Variants in RNF216 observed in about 807,000 individuals in gnomAD.
The protein encoded by RNF216 is ring finger protein 216.
In RNF216, 72 loss-of-function variants were observed where a neutral mutation model predicts 110.8. The observed-to-expected ratio is 0.65, with a 90% CI of 0.54 to 0.79. RNF216 has a LOEUF of 0.79. Ranked by LOEUF, RNF216 falls within the 30% of genes least tolerant of loss-of-function variation. RNF216 has a pLI of 0.00. For synonymous variants in RNF216, 495 were observed against 407.5 expected (o/e 1.21, Z -2.59); for missense variants, 1,342 against 1,141.2 (o/e 1.18, Z -2.54).
At chr7:5,731,307 A>G (rs1794075407) in intron 5 of RNF216, among the ~76,000 whole-genome samples, 1 of 152,234 alleles carries the variant, frequency 6.6e-6, no homozygotes, top group African/African-American at 2.4e-5. Flanking sequence ...CTGTGGTAAC[A>G]TAAATCTCTA....
At chr7:5,671,522 G>C (rs1267346055) in intron 13 of RNF216, among the ~76,000 whole-genome samples, 1 of 152,074 alleles carries the variant, frequency 6.6e-6, no homozygotes, top group Non-Finnish European at 1.5e-5. Context: ...AGGACAGAGA[G>C]AGCCGGGCAC....
intron 13 of RNF216, among the ~76,000 whole-genome samples, chr7:5,699,743 G>C (rs939558163): frequency 2.0e-5 from 3 of 152,210 alleles, no homozygotes; most frequent in African/African-American, 7.2e-5. Flanking sequence ...AGGCTTTCTG[G>C]GGCTGGGTGG....
intron 3 of RNF216, among the ~76,000 whole-genome samples, chr7:5,747,057 T>C (rs1225800540): frequency 6.6e-6 from 1 of 152,186 alleles, no homozygotes; most frequent in Non-Finnish European, 1.5e-5. Context: ...ACTGCTCCCA[T>C]TTTACCTGAA....
At chr7:5,771,042 G>T (rs539257689) in intron 1 of RNF216, among the ~76,000 whole-genome samples, 1 of 152,264 alleles carries the variant, frequency 6.6e-6, no homozygotes, top group Non-Finnish European at 1.5e-5. Flanking sequence ...TCTTGACCTT[G>T]TGATTCGCCC....
At chr7:5,647,854 G>T (rs1235858505) in intron 14 of RNF216, among the ~76,000 whole-genome samples, 1 of 152,078 alleles carries the variant, frequency 6.6e-6, no homozygotes, top group Non-Finnish European at 1.5e-5. Flanking sequence ...ATGATAGAGT[G>T]GCTTAGACTA....
chr7:5,642,529 C>G (rs1787800610), intron 14 of RNF216, among the ~76,000 whole-genome samples: 1 of 148,380 alleles, frequency 6.7e-6, no homozygotes, highest in Non-Finnish European at 1.5e-5. Context: ...TTTTTTGAGA[C>G]TCACTGCAAC....
At chr7:5,679,559 A>G (rs1290772409) in intron 13 of RNF216, among the ~76,000 whole-genome samples, 1 of 152,200 alleles carries the variant, frequency 6.6e-6, no homozygotes, top group Non-Finnish European at 1.5e-5. Flanking sequence ...CCTGCCTCAC[A>G]TTTCTGGAAG....
chr7:5,620,470 G>A lies in RNF216; in HGVS notation c.*2390C>T, dbSNP rs1377955479. 1 of 152,268 alleles carries A rather than the reference G, an allele frequency of 6.6e-6. No individual in the cohort carries two copies. Among genetic ancestry groups the A allele is most frequent in the Non-Finnish European group, 1.5e-5 (1 of 68,092 alleles). The allele number at this position is 152,268 out of a possible 1,614,324, so 9.4% of individuals were successfully genotyped here. A position where few individuals can be genotyped will look rare whatever the true frequency, so the allele number is the denominator to read the frequency against. ...TCTCCCCAATGCTGTCACTGGTCCA[G>A]GCAGGAGCCCGAGGTTCAGGCCCTG... is the stretch of plus-strand genomic sequence containing the variant. On this transcript the variant is annotated 3_prime_UTR_variant, in exon 17 of 17. Coordinates refer to ENST00000389902, the MANE Select transcript of RNF216 (RefSeq NM_207111.4).
At chr7:5,748,069 G>C (rs1029197542) in intron 3 of RNF216, among the ~76,000 whole-genome samples, 2 of 152,112 alleles carry the variant, frequency 1.3e-5, no homozygotes, top group Non-Finnish European at 2.9e-5. Flanking sequence ...CATACCAATA[G>C]GCGGTATCAG....
At chr7:5,763,742 T>C (rs970257151) in intron 1 of RNF216, among the ~76,000 whole-genome samples, 1 of 152,098 alleles carries the variant, frequency 6.6e-6, no homozygotes, top group Non-Finnish European at 1.5e-5. Context: ...GCTGAATTTT[T>C]AAAATTTTTT....
intron 13 of RNF216, among the ~76,000 whole-genome samples, chr7:5,682,120 G>A (rs989994965): frequency 1.1e-4 from 17 of 152,172 alleles, no homozygotes; most frequent in East Asian, 3.9e-4. Flanking sequence ...GAGGCCATGC[G>A]GGCCCACGCT....
chr7:5,666,108 G>C (rs548375923), intron 13 of RNF216, among the ~76,000 whole-genome samples: 22 of 151,166 alleles, frequency 1.5e-4, no homozygotes, highest in Non-Finnish European at 2.9e-4. Flanking sequence ...AGAGCTTGCA[G>C]TGAGTGGAGA....
chr7:5,734,719 G>C (rs1047443436), intron 5 of RNF216, among the ~76,000 whole-genome samples: 4 of 151,554 alleles, frequency 2.6e-5, no homozygotes, highest in African/African-American at 9.8e-5. Flanking sequence ...AGCTATTCGG[G>C]AGACTGAGGC....
chr7:5,755,360 A>T (rs1010271713), intron 2 of RNF216, among the ~76,000 whole-genome samples: 1 of 151,578 alleles, frequency 6.6e-6, no homozygotes, highest in Non-Finnish European at 1.5e-5. Flanking sequence ...AAGTATACTT[A>T]AAAAAAAATT....
At chr7:5,645,363 A>T (rs887945356) in intron 14 of RNF216, among the ~76,000 whole-genome samples, 1 of 152,154 alleles carries the variant, frequency 6.6e-6, no homozygotes, top group Admixed American at 6.5e-5. Context: ...GCTTCCCCTT[A>T]ATGTGAATAT....
rs191890933 is a variant in RNF216 at position 5,656,729 on chromosome 7, G to A, written c.2062-4219C>T. ...TGAGGTCTTCACTTTGCAATATAAA[G>A]AAAGCACTTCCGTCTTCCTTTATTC... is the stretch of plus-strand genomic sequence containing the variant. On this transcript the variant is annotated intron_variant, in intron 13 of 16. Coordinates refer to ENST00000389902, the MANE Select transcript of RNF216 (RefSeq NM_207111.4). Among the ~76,000 whole-genome samples, 379 of 152,320 alleles carry A rather than the reference G, an allele frequency of 2.5e-3. 1 individual carries two copies. Among genetic ancestry groups the A allele is most frequent in the Middle Eastern group, 6.8e-3 (2 of 294 alleles).
chr7:5,681,899 C>T (rs185929167), intron 13 of RNF216, among the ~76,000 whole-genome samples: 1 of 152,176 alleles, frequency 6.6e-6, no homozygotes. Flanking sequence ...ATCTGTGTAG[C>T]CCCTAAGGGT....
chr7:5,740,970 T>C lies in RNF216; in HGVS notation c.1044+3A>G, dbSNP rs373481679. The C allele has an allele frequency of 2.7e-5, 43 of 1,585,376 alleles. No individual in the cohort carries two copies. The highest frequency in any genetic ancestry group is 3.7e-5 in the Non-Finnish European group (43 of 1,169,890). On this transcript the variant is annotated splice_donor_region_variant and intron_variant, in intron 4 of 16. Coordinates refer to ENST00000389902, the MANE Select transcript of RNF216 (RefSeq NM_207111.4). ...TACATTTACTTGATAAAATAAAACTTACCGTTTCTTTCACTAGTAGTTCAA... is the reference window on the plus strand; with the variant it reads ...TACATTTACTTGATAAAATAAAACTCACCGTTTCTTTCACTAGTAGTTCAA...
chr7:5,716,625 C>A, intron 10 of RNF216, 91 bp downstream of exon 10: 1 of 1,090,626 alleles, frequency 9.2e-7, no homozygotes, highest in Admixed American at 2.2e-5. Context: ...TATCCAAAAA[C>A]AAATTTGCCA....
Sources: gnomAD v4.1 joint callset for allele counts (sites outside exome capture counted in the v4.1 genomes callset) on GRCh38, gnomAD v4.1.1 for gene constraint, MANE v1.5 for transcripts, NCBI Gene and HGNC (gene_info 2026-07-23, HGNC 2026-07-21) for gene names.